Variants in GABRG3 observed in about 807,000 individuals in gnomAD.
GABRG3 encodes gamma-aminobutyric acid type A receptor subunit gamma3.
A neutral mutation model predicts 48.8 loss-of-function variants in GABRG3; 25 were observed. The ratio of observed to expected loss-of-function variants is 0.51; its 90% CI spans 0.37 to 0.72. The LOEUF (loss-of-function observed/expected upper bound fraction) is 0.72. Ranked by LOEUF, GABRG3 falls within the 30% of genes least tolerant of loss-of-function variation. The pLI is 0.00. For missense variants in GABRG3, 394 were observed against 577.9 expected, an observed-to-expected ratio of 0.68 and a Z score of 3.26; for synonymous variants, 227 against 217.6, an observed-to-expected ratio of 1.04 and a Z score of -0.38.
chr15:27,336,125 G>A (rs190333456), intron 5 of GABRG3, among the ~76,000 whole-genome samples: 58 of 151,798 alleles, frequency 3.8e-4, no homozygotes, highest in African/African-American at 1.4e-3. Flanking sequence ...GGAGGCAGAG[G>A]TTGCAGTGAG....
Position 27,534,622 on chromosome 15 carries a change from C to T in GABRG3, c.*1741C>T, listed in dbSNP as rs377393108. 2 of 152,080 alleles carry T rather than the reference C, an allele frequency of 1.3e-5. No homozygotes were observed. The highest frequency in any genetic ancestry group is 2.4e-5 in the African/African-American group (1 of 41,402). The allele number at this position is 152,080 out of a possible 1,614,324, so 9.4% of individuals were successfully genotyped here. ...TGTGCATACCATAATTACCCAGAAACGTAAAATATTTTGCAGAGAAAGTAT... is the reference window on the plus strand; with the variant it reads ...TGTGCATACCATAATTACCCAGAAATGTAAAATATTTTGCAGAGAAAGTAT... On this transcript the variant is annotated 3_prime_UTR_variant, in exon 10 of 10. Transcript: ENST00000615808.
intron 3 of GABRG3, among the ~76,000 whole-genome samples, chr15:27,028,811 A>AG (rs1249480841): frequency 6.6e-6 from 1 of 151,440 alleles, no homozygotes. Context: ...ATCTCAAAAA[A>AG]AAAAAAAAAA....
At chr15:27,189,657 A>G (rs1395987108) in intron 3 of GABRG3, among the ~76,000 whole-genome samples, 1 of 152,212 alleles carries the variant, frequency 6.6e-6, no homozygotes, top group African/African-American at 2.4e-5. Context: ...CTAGATATAC[A>G]GTCATGTCGT....
intron 3 of GABRG3, among the ~76,000 whole-genome samples, chr15:27,240,160 C>T (rs890038543): frequency 2.0e-5 from 3 of 152,216 alleles, no homozygotes; most frequent in Admixed American, 2.0e-4. Context: ...CATCGTGACT[C>T]TCTTTCTGAG....
At chr15:27,277,629 G>A (rs536198287) in intron 3 of GABRG3, among the ~76,000 whole-genome samples, 1 of 152,234 alleles carries the variant, frequency 6.6e-6, no homozygotes, top group African/African-American at 2.4e-5. Flanking sequence ...GGTGACATTG[G>A]TGACTGCAAT....
chr15:27,071,725 G>A (rs8025904), intron 3 of GABRG3, among the ~76,000 whole-genome samples: 31,408 of 152,132 alleles, frequency 0.21, 3,404 homozygotes, highest in Middle Eastern at 0.27. Flanking sequence ...TTTTCTAGAG[G>A]TGTCAAAATT....
intron 5 of GABRG3, among the ~76,000 whole-genome samples, chr15:27,434,563 T>C (rs1888551214): frequency 6.6e-6 from 1 of 152,174 alleles, no homozygotes; most frequent in African/African-American, 2.4e-5. Context: ...GCAGAAATAA[T>C]CTAATTCATG....
In GABRG3 at chr15:26,982,972, T is replaced by C. The variant is rs370099806; in HGVS notation, c.202+5822T>C. ...TGTCTCATTTAAATGCTAAATCACG[T>C]ATCATTGGCAGAACCCAGCAACTTG... On this transcript the variant is annotated intron_variant, in intron 2 of 9. Transcript: ENST00000615808. Among the ~76,000 whole-genome samples the C allele has an allele frequency of 3.9e-5, 6 of 152,102 alleles. No individual in the cohort carries two copies. In the East Asian group the frequency reaches 7.7e-4, roughly 20 times the overall value.
At chr15:27,054,611 T>C (rs1284574985) in intron 3 of GABRG3, among the ~76,000 whole-genome samples, 1 of 152,180 alleles carries the variant, frequency 6.6e-6, no homozygotes, top group Admixed American at 6.5e-5. Context: ...GGTGCCGCCC[T>C]GACTCCCATA....
chr15:27,081,707 A>G (rs964465001), intron 3 of GABRG3, among the ~76,000 whole-genome samples: 1 of 152,204 alleles, frequency 6.6e-6, no homozygotes, highest in African/African-American at 2.4e-5. Context: ...CCATGCCACT[A>G]TGATACCAAC....
At chr15:27,189,543 GT>G (rs970028830) in intron 3 of GABRG3, among the ~76,000 whole-genome samples, 2 of 151,812 alleles carry the variant, frequency 1.3e-5, no homozygotes, top group African/African-American at 4.8e-5. Context: ...TGTTATTGGT[GT>G]ATAAGAATGC....
Position 27,378,178 on chromosome 15 carries a change from T to A in GABRG3, c.574+49290T>A, listed in dbSNP as rs534587978. On this transcript the variant is annotated intron_variant, in intron 5 of 9. Transcript: ENST00000615808. ...TAGGCTCCAGGTGAGAGTTATGAGT[T>A]ACTGAAATTGCCTGGAGTTCTTCCA... Among the ~76,000 whole-genome samples, 4 of 152,312 alleles carry A rather than the reference T, an allele frequency of 2.6e-5. No homozygotes were observed. The South Asian group carries it at 8.3e-4, about 32-fold the overall frequency.
At chr15:27,210,292 C>T (rs1017241979) in intron 3 of GABRG3, among the ~76,000 whole-genome samples, 1 of 152,220 alleles carries the variant, frequency 6.6e-6, no homozygotes, top group African/African-American at 2.4e-5. Context: ...ACCACATGCA[C>T]AGTCTCTGTC....
chr15:27,025,249 T>G (rs1895965099), intron 2 of GABRG3, among the ~76,000 whole-genome samples: 1 of 152,110 alleles, frequency 6.6e-6, no homozygotes, highest in Non-Finnish European at 1.5e-5. Flanking sequence ...AAGCCCAAAG[T>G]CTAATAAGTT....
intron 3 of GABRG3, among the ~76,000 whole-genome samples, chr15:27,315,957 G>T (rs1893199605): frequency 1.3e-5 from 2 of 151,996 alleles, no homozygotes; most frequent in South Asian, 2.1e-4. Flanking sequence ...TCATAACCTG[G>T]GATGAGTTCT....
intron 3 of GABRG3, among the ~76,000 whole-genome samples, chr15:27,226,188 C>T (rs1020256750): frequency 6.6e-6 from 1 of 152,070 alleles, no homozygotes; most frequent in Admixed American, 6.5e-5. Flanking sequence ...GAGGACCTGG[C>T]ACTCCTGGGT....
intron 5 of GABRG3, chr15:27,362,242 T>C (rs1202719656): frequency 1.3e-5 from 2 of 152,242 alleles, no homozygotes; most frequent in African/African-American, 4.8e-5. Flanking sequence ...CACCTTCTAC[T>C]ATCATCTGTC....
At chr15:27,126,924 C>T (rs1029938) in intron 3 of GABRG3, among the ~76,000 whole-genome samples, 83,648 of 152,064 alleles carry the variant, frequency 0.55, 26,868 homozygotes, top group Middle Eastern at 0.74. Context: ...AGGTAGCATT[C>T]GGCCTCAGGG....
At chr15:27,313,226 A>G (rs1287479174) in intron 3 of GABRG3, among the ~76,000 whole-genome samples, 1 of 124,156 alleles carries the variant, frequency 8.1e-6, no homozygotes, top group African/African-American at 3.0e-5. Context: ...GTATATATAT[A>G]CGTATATGTA....
Sources: allele counts gnomAD v4.1 joint callset (sites outside exome capture counted in the v4.1 genomes callset), GRCh38; gene constraint gnomAD v4.1.1; transcripts MANE v1.5; gene names NCBI Gene and HGNC (gene_info 2026-07-23, HGNC 2026-07-21).